The following PRTG variants were observed in gnomAD, a reference collection of about 807,000 sequenced individuals.
The protein encoded by PRTG is immunoglobulin superfamily, DCC subclass, member 5.
A neutral mutation model predicts 122.5 loss-of-function variants in PRTG; 67 were observed. The observed-to-expected ratio is 0.55, with a 90% CI of 0.45 to 0.67. The LOEUF is 0.67. PRTG is among the 30% of genes least tolerant of loss of function. The pLI, the probability that PRTG is intolerant of heterozygous loss-of-function variation, is 0.00. For synonymous variants in PRTG, 554 were observed against 501.1 expected (o/e 1.11, Z -1.41); for missense variants, 1,435 against 1,415.4 (o/e 1.01, Z -0.22).
intron 18 of PRTG, among the ~76,000 whole-genome samples, chr15:55,622,531 C>T (rs1300362909): frequency 6.7e-6 from 1 of 149,436 alleles, no homozygotes; most frequent in African/African-American, 2.5e-5. Flanking sequence ...CTACAGGCGC[C>T]TACTACCATG....
chr15:55,627,492 G>GTTTTTTTTT (rs35022592), intron 16 of PRTG, among the ~76,000 whole-genome samples: 100 of 104,744 alleles, frequency 9.5e-4, no homozygotes, highest in Non-Finnish European at 1.4e-3. Flanking sequence ...GCCCAGCTAA[G>GTTTTTTTTT]TTTTTTTTTT....
At chr15:55,627,561 C>T (rs1409868194) in intron 16 of PRTG, among the ~76,000 whole-genome samples, 2 of 147,226 alleles carry the variant, frequency 1.4e-5, no homozygotes, top group African/African-American at 5.0e-5. Context: ...AGGATGGTCT[C>T]GATCTCCTGA....
chr15:55,649,627 A>C lies in PRTG; in HGVS notation c.2042-8419T>G, dbSNP rs1462509456. Among the ~76,000 whole-genome samples the C allele has an allele frequency of 3.9e-5, 6 of 152,118 alleles. 1 individual carries two copies. In the South Asian group the frequency reaches 1.2e-3, roughly 32 times the overall value. On this transcript the variant is annotated intron_variant, in intron 11 of 19. Coordinates refer to ENST00000389286, the MANE Select transcript of PRTG (RefSeq NM_173814.6). The stretch of plus-strand genomic sequence containing the variant: ...TGGTGAAACTCCATCTCTACTAAAA[A>C]TACAAAAATTAGCCACGTGTGGTGG...
intron 11 of PRTG, among the ~76,000 whole-genome samples, chr15:55,662,721 TAGTA>T (rs1408192230): frequency 2.0e-5 from 3 of 152,194 alleles, no homozygotes; most frequent in Non-Finnish European, 4.4e-5. Flanking sequence ...AAGTTTCACA[TAGTA>T]AGAGAAATTT....
intron 7 of PRTG, among the ~76,000 whole-genome samples, chr15:55,678,861 T>C (rs1436827017): frequency 6.6e-6 from 1 of 152,218 alleles, no homozygotes; most frequent in Non-Finnish European, 1.5e-5. Flanking sequence ...TTTGTATTTA[T>C]GCTAATAAAA....
chr15:55,724,771 A>T (rs1401406826), intron 2 of PRTG, among the ~76,000 whole-genome samples: 2 of 114,152 alleles, frequency 1.8e-5, no homozygotes, highest in African/African-American at 7.9e-5. Context: ...AAAAATGAAA[A>T]ATAAAATAAA....
At position 55,619,961 on chromosome 15, in the gene PRTG, T is replaced by G; in HGVS notation, c.*51A>C. On this transcript the variant is annotated 3_prime_UTR_variant, in exon 20 of 20. Coordinates refer to ENST00000389286, the MANE Select transcript of PRTG (RefSeq NM_173814.6). ...ACTAACAGATGACACAGCAGGGTCT[T>G]CACACTTCCTCAATGCGGAATCTCC... The G allele has an allele frequency of 6.2e-7, 1 of 1,603,812 alleles. No individual in the cohort carries two copies. Among genetic ancestry groups the G allele is most frequent in the South Asian group, 1.1e-5 (1 of 88,714 alleles).
At chr15:55,705,283 AC>A (rs906239170) in intron 2 of PRTG, among the ~76,000 whole-genome samples, 8 of 152,154 alleles carry the variant, frequency 5.3e-5, no homozygotes, top group Non-Finnish European at 1.0e-4. Flanking sequence ...TAGGACACAT[AC>A]ATTCATGCAA....
intron 2 of PRTG, among the ~76,000 whole-genome samples, chr15:55,727,697 G>A (rs1047734209): frequency 1.4e-4 from 21 of 152,242 alleles, no homozygotes; most frequent in Admixed American, 1.3e-3. Flanking sequence ...TCGTGAGGCT[G>A]AGGCAGAAGA....
At chr15:55,626,299 C>T (rs2059194354) in intron 17 of PRTG, among the ~76,000 whole-genome samples, 1 of 151,546 alleles carries the variant, frequency 6.6e-6, no homozygotes, top group African/African-American at 2.4e-5. Context: ...ATGCCAGCTA[C>T]TTGGGAGGCT....
In PRTG at chr15:55,615,098, G is replaced by C. The variant is rs945231950; in HGVS notation, c.*4914C>G. ...GGGTTGGACAAAGAGAAATGATAAC[G>C]GAAGGAGCTTCAGAGAGATGCTACA... is the stretch of plus-strand genomic sequence containing the variant. On this transcript the variant is annotated 3_prime_UTR_variant, in exon 20 of 20. Transcript: ENST00000389286. The C allele has an allele frequency of 6.6e-6, 1 of 152,046 alleles. No homozygotes were observed. The highest frequency in any genetic ancestry group is 1.5e-5 in the Non-Finnish European group (1 of 67,976). 9.4% of individuals were successfully genotyped at this position (152,046 alleles called of 1,614,324 possible).
In PRTG at chr15:55,683,815, G is replaced by C; in HGVS notation, c.514C>G (p.Arg172Gly). ...TCCATAGTCATAGGTAGAGTTGTCC[G>C]ATTGAACTCCCATGTTATGACTGCA... ...PPAVITWEFN[R>G]TTLPMTMDRI... Residue 172 changes from arginine to glycine, a missense_variant, in exon 3 of 20, where the codon CGG becomes GGG. Coordinates refer to ENST00000389286, the MANE Select transcript of PRTG (RefSeq NM_173814.6). The C allele has an allele frequency of 1.2e-6, 2 of 1,613,742 alleles. No individual in the cohort carries two copies. Among genetic ancestry groups the C allele is most frequent in the East Asian group, 2.2e-5 (1 of 44,840 alleles).
At chr15:55,641,802 C>T (rs2059291968) in intron 11 of PRTG, among the ~76,000 whole-genome samples, 1 of 152,116 alleles carries the variant, frequency 6.6e-6, no homozygotes, top group South Asian at 2.1e-4. Context: ...TTGGAGCTCC[C>T]TCTACTGGTG....
At chr15:55,673,760 T>C in intron 9 of PRTG, 84 bp from the exon 10 acceptor site, 2 of 1,004,348 alleles carry the variant, frequency 2.0e-6, no homozygotes, top group Non-Finnish European at 1.5e-6. Context: ...TTCTCTTAAT[T>C]AGCAACATAT....
At chr15:55,695,589 A>AC (rs1237872675) in intron 2 of PRTG, among the ~76,000 whole-genome samples, 3 of 152,218 alleles carry the variant, frequency 2.0e-5, no homozygotes, top group Admixed American at 6.5e-5. Context: ...TGGCAGGGCA[A>AC]CGTGGGCAGA....
At chr15:55,718,060 A>T (rs1181211952) in intron 2 of PRTG, among the ~76,000 whole-genome samples, 2 of 152,142 alleles carry the variant, frequency 1.3e-5, no homozygotes, top group Non-Finnish European at 2.9e-5. Context: ...CACTAATTTT[A>T]AATCTGGTAA....
intron 18 of PRTG, 98 bp downstream of exon 18, chr15:55,624,244 A>G (rs2059181947): frequency 9.8e-7 from 1 of 1,023,954 alleles, no homozygotes; most frequent in Non-Finnish European, 1.5e-6. Context: ...GTATTGGTAT[A>G]ATACATTCAA....
Position 55,618,202 on chromosome 15 carries a change from C to T in PRTG, c.*1810G>A, listed in dbSNP as rs1027071154. On this transcript the variant is annotated 3_prime_UTR_variant, in exon 20 of 20. Transcript: ENST00000389286. The stretch of plus-strand genomic sequence containing the variant: ...TGGCATTGAACTTTAGTCTTAATCA[C>T]ATCCAGTTTGGCACAAAATTACAGA... The T allele has an allele frequency of 2.0e-5, 3 of 152,138 alleles. No individual in the cohort carries two copies. Among genetic ancestry groups the T allele is most frequent in the Non-Finnish European group, 4.4e-5 (3 of 68,036 alleles). The allele number at this position is 152,138 out of a possible 1,614,324, so 9.4% of individuals were successfully genotyped here. A position where few individuals can be genotyped will look rare whatever the true frequency, so the allele number is the denominator to read the frequency against.
intron 11 of PRTG, among the ~76,000 whole-genome samples, chr15:55,643,682 C>T (rs1209392324): frequency 6.6e-6 from 1 of 151,872 alleles, no homozygotes; most frequent in African/African-American, 2.4e-5. Flanking sequence ...CCTTGGCCTC[C>T]CGAAGTGCTG....
Sources: gnomAD v4.1 joint callset for allele counts (sites outside exome capture counted in the v4.1 genomes callset) on GRCh38, gnomAD v4.1.1 for gene constraint, MANE v1.5 for transcripts, NCBI Gene and HGNC (gene_info 2026-07-23, HGNC 2026-07-21) for gene names.